The following ADAMTSL3 variants were observed in gnomAD, a reference collection of about 807,000 sequenced individuals.
ADAMTSL3 encodes ADAMTS like 3.
A neutral mutation model predicts 201.7 loss-of-function variants in ADAMTSL3; 128 were observed. The observed-to-expected ratio is 0.63, with a 90% CI of 0.55 to 0.73. The LOEUF is 0.73. Among genes scored for constraint, ADAMTSL3 ranks in the 30% least tolerant of loss-of-function variants. The pLI, the probability that ADAMTSL3 is intolerant of heterozygous loss-of-function variation, is 0.00. For missense variants in ADAMTSL3, 1,990 were observed against 2,119.6 expected, an observed-to-expected ratio of 0.94 and a Z score of 1.20; for synonymous variants, 738 against 748.4, an observed-to-expected ratio of 0.99 and a Z score of 0.23.
chr15:83,746,826 T>A (rs2062555626), intron 3 of ADAMTSL3, among the ~76,000 whole-genome samples: 1 of 152,138 alleles, frequency 6.6e-6, no homozygotes, highest in Non-Finnish European at 1.5e-5. Flanking sequence ...ATTGTACCAC[T>A]GCACTCCAGC....
intron 23 of ADAMTSL3, among the ~76,000 whole-genome samples, chr15:83,993,501 C>T (rs1397796734): frequency 6.6e-6 from 1 of 152,088 alleles, no homozygotes. Flanking sequence ...GACTATTTCC[C>T]ACTAATTGTA....
rs546712427 is a variant in ADAMTSL3, at chr15:83,962,947, C to A, written c.2491-7537C>A. Among the ~76,000 whole-genome samples the A allele has an allele frequency of 2.0e-5, 3 of 152,250 alleles. No individual in the cohort carries two copies. The East Asian group carries it at 5.8e-4, about 29-fold the overall frequency. Reference sequence around the variant, plus strand: ...ACTCCCTCCCCTAGCCAAGGGAAGCCGTGAGGGACTGTGCTGTGAGGAATG... The same window carrying A: ...ACTCCCTCCCCTAGCCAAGGGAAGCAGTGAGGGACTGTGCTGTGAGGAATG... On this transcript the variant is annotated intron_variant, in intron 19 of 29. Coordinates refer to ENST00000286744, the MANE Select transcript of ADAMTSL3 (RefSeq NM_207517.3).
intron 3 of ADAMTSL3, among the ~76,000 whole-genome samples, chr15:83,742,843 G>A (rs1173710988): frequency 6.6e-6 from 1 of 152,090 alleles, no homozygotes; most frequent in Non-Finnish European, 1.5e-5. Flanking sequence ...TCTGACTTCA[G>A]CTTGGAAAAG....
At chr15:83,803,375 C>T (rs2063553288) in intron 4 of ADAMTSL3, among the ~76,000 whole-genome samples, 1 of 152,040 alleles carries the variant, frequency 6.6e-6, no homozygotes, top group Admixed American at 6.6e-5. Context: ...AAAAAATGAC[C>T]TCCTATCCAC....
chr15:83,951,494 G>T (rs568482285), intron 19 of ADAMTSL3, among the ~76,000 whole-genome samples: 198 of 152,098 alleles, frequency 1.3e-3, no homozygotes, highest in African/African-American at 4.7e-3. Flanking sequence ...ATGTGTTTTT[G>T]TCTGGTTTTG....
At chr15:83,711,695 C>T (rs926783475) in intron 3 of ADAMTSL3, among the ~76,000 whole-genome samples, 1 of 152,242 alleles carries the variant, frequency 6.6e-6, no homozygotes, top group Admixed American at 6.5e-5. Flanking sequence ...GAATACTGCA[C>T]ATGCAACTGT....
rs573090819 is a variant in ADAMTSL3 at position 83,891,330 on chromosome 15, G to T, written c.1213G>T (p.Asp405Tyr). ...ECSMDPCPSS[D>Y]GFKEIMPYDH... is the part of the protein sequence containing the mutation. ...TTCTCACAATGATTTCATTTGTAGTGATGGATTTAAAGAGATAATGCCCTA... is the reference window on the plus strand; with the variant it reads ...TTCTCACAATGATTTCATTTGTAGTTATGGATTTAAAGAGATAATGCCCTA... Residue 405 changes from aspartate (D) to tyrosine (Y), a missense_variant and splice_region_variant, in exon 12 of 30, where the codon GAT becomes TAT. Transcript: ENST00000286744. The T allele has an allele frequency of 6.2e-7, 1 of 1,605,278 alleles. No homozygotes were observed. The highest frequency in any genetic ancestry group is 1.1e-5 in the South Asian group (1 of 90,836).
At chr15:83,674,122 T>C (rs1432388321) in intron 2 of ADAMTSL3, among the ~76,000 whole-genome samples, 1 of 151,374 alleles carries the variant, frequency 6.6e-6, no homozygotes, top group African/African-American at 2.4e-5. Context: ...TTTTCACTTA[T>C]AGATCATGGT....
chr15:83,812,892 T>G (rs796966216), intron 5 of ADAMTSL3, among the ~76,000 whole-genome samples: 3 of 152,346 alleles, frequency 2.0e-5, no homozygotes, highest in African/African-American at 7.2e-5. Flanking sequence ...GTGCTATTTT[T>G]ATTTCCACAT....
In ADAMTSL3 at chr15:83,838,160, C is replaced by G; in HGVS notation, c.672C>G (p.Gly224=). 5 of 1,613,190 alleles carry G rather than the reference C, an allele frequency of 3.1e-6. No individual in the cohort carries two copies. Among genetic ancestry groups the G allele is most frequent in the Non-Finnish European group, 4.2e-6 (5 of 1,179,668 alleles). The change falls in exon 7 of 30, where the codon GGC becomes GGG. Residue 224 remains glycine (G), a synonymous_variant. Coordinates refer to ENST00000286744, the MANE Select transcript of ADAMTSL3 (RefSeq NM_207517.3). ...ACTGTGGAGTCTGTGCCGGCGATGG[C>G]TCCACCTGCAGGCTTGTACGGGGAC... ...EDNCGVCAGD[G]STCRLVRGQS...
At chr15:83,686,519 G>A (rs918604336) in intron 2 of ADAMTSL3, among the ~76,000 whole-genome samples, 3 of 152,202 alleles carry the variant, frequency 2.0e-5, no homozygotes, top group African/African-American at 7.2e-5. Context: ...TAGTTGTTCA[G>A]TTTCATTGTG....
chr15:83,952,031 T>G (rs2066768248), intron 19 of ADAMTSL3, among the ~76,000 whole-genome samples: 1 of 152,160 alleles, frequency 6.6e-6, no homozygotes, highest in Non-Finnish European at 1.5e-5. Context: ...ATTTTCTAGC[T>G]AAGATGTATT....
At chr15:83,688,736 G>A (rs1013210888) in intron 2 of ADAMTSL3, among the ~76,000 whole-genome samples, 26 of 112,600 alleles carry the variant, frequency 2.3e-4, no homozygotes, top group Non-Finnish European at 4.0e-4. Flanking sequence ...CTAGTGTTAA[G>A]TATACACATG....
At chr15:83,992,191 G>T (rs993171670) in intron 23 of ADAMTSL3, among the ~76,000 whole-genome samples, 5 of 152,116 alleles carry the variant, frequency 3.3e-5, no homozygotes, top group African/African-American at 4.8e-5. Context: ...TGCAGTGAGG[G>T]TGCATGTAAT....
At chr15:83,824,454 T>TA (rs1466930379) in intron 6 of ADAMTSL3, among the ~76,000 whole-genome samples, 3 of 152,152 alleles carry the variant, frequency 2.0e-5, no homozygotes, top group African/African-American at 7.2e-5. Flanking sequence ...ATACAGTTAT[T>TA]ACAGTCGATG....
At chr15:83,682,208 AT>A in intron 2 of ADAMTSL3, among the ~76,000 whole-genome samples, 2 of 152,128 alleles carry the variant, frequency 1.3e-5, no homozygotes, top group Middle Eastern at 6.8e-3. Flanking sequence ...TGGCCAGTTG[AT>A]TTAGAGACTC....
At chr15:83,886,083 C>A (rs926255052) in intron 10 of ADAMTSL3, among the ~76,000 whole-genome samples, 2 of 152,112 alleles carry the variant, frequency 1.3e-5, no homozygotes, top group African/African-American at 4.8e-5. Flanking sequence ...ATCCAGGGCT[C>A]CACACACACG....
At chr15:83,714,705 C>A (rs2061978054) in intron 3 of ADAMTSL3, among the ~76,000 whole-genome samples, 1 of 138,922 alleles carries the variant, frequency 7.2e-6, no homozygotes. Context: ...TCCTTCCTTC[C>A]CTCCTTCCCT....
intron 7 of ADAMTSL3, among the ~76,000 whole-genome samples, chr15:83,852,676 A>C (rs528896384): frequency 6.6e-6 from 1 of 152,100 alleles, no homozygotes; most frequent in African/African-American, 2.4e-5. Flanking sequence ...TTTCTTACTG[A>C]TTTGTAAACA....
Sources: allele counts gnomAD v4.1 joint callset (sites outside exome capture counted in the v4.1 genomes callset), GRCh38; gene constraint gnomAD v4.1.1; transcripts MANE v1.5; gene names NCBI Gene and HGNC (gene_info 2026-07-23, HGNC 2026-07-21).